RBFOX1: variants seen among roughly 807,000 people sequenced by gnomAD.
The protein encoded by RBFOX1 is RNA binding protein fox-1 homolog 1.
Under a neutral mutation model 57.7 loss-of-function variants are expected in RBFOX1, and 8 were observed. The ratio of observed to expected loss-of-function variants is 0.14; its 90% confidence interval spans 0.08 to 0.25. RBFOX1 has a LOEUF of 0.25. Ranked by LOEUF, RBFOX1 falls within the 10% of genes least tolerant of loss-of-function variation. The pLI is 1.00. For synonymous variants in RBFOX1, 326 were observed against 222.4 expected (o/e 1.47, Z -4.15); for missense variants, 611 against 548.5 (o/e 1.11, Z -1.14).
intron 1 of RBFOX1, among the ~76,000 whole-genome samples, chr16:6,215,368 G>A (rs1181923044): frequency 6.9e-6 from 1 of 145,502 alleles, no homozygotes; most frequent in East Asian, 2.1e-4. Flanking sequence ...GGGAGAGAAG[G>A]AGAAGGGGAG....
At chr16:6,434,054 G>A (rs535790251) in intron 2 of RBFOX1, among the ~76,000 whole-genome samples, 1 of 151,994 alleles carries the variant, frequency 6.6e-6, no homozygotes, top group East Asian at 1.9e-4. Flanking sequence ...CACCATGTTG[G>A]TCAGGCTGGT....
At chr16:7,372,342 G>C (rs997027595) in intron 4 of RBFOX1, among the ~76,000 whole-genome samples, 31 of 152,274 alleles carry the variant, frequency 2.0e-4, no homozygotes, top group African/African-American at 6.0e-4. Flanking sequence ...ACCCTGCTTA[G>C]GATCAGACAA....
At chr16:6,976,121 C>T (rs760016753) in intron 3 of RBFOX1, among the ~76,000 whole-genome samples, 3 of 143,650 alleles carry the variant, frequency 2.1e-5, no homozygotes, top group East Asian at 2.0e-4. Flanking sequence ...AGTGAGACTC[C>T]GTCTCAAAAA....
intron 3 of RBFOX1, among the ~76,000 whole-genome samples, chr16:5,725,787 C>T (rs1398438956): frequency 2.6e-5 from 4 of 151,976 alleles, no homozygotes; most frequent in South Asian, 4.2e-4. Context: ...CTGCTAGCTG[C>T]CCTCTCCCCA....
chr16:7,330,525 T>TGTGG (rs1441570396), intron 4 of RBFOX1, among the ~76,000 whole-genome samples: 13 of 132,904 alleles, frequency 9.8e-5, no homozygotes, highest in African/African-American at 3.8e-4. Context: ...TGTGTGTGTG[T>TGTGG]AGAGAGAGAG....
At chr16:6,271,821 A>T (rs2075250962) in intron 1 of RBFOX1, among the ~76,000 whole-genome samples, 1 of 152,300 alleles carries the variant, frequency 6.6e-6, no homozygotes, top group African/African-American at 2.4e-5. Context: ...CCTCCTAAAA[A>T]ATAAATCTCC....
intron 4 of RBFOX1, among the ~76,000 whole-genome samples, chr16:5,914,853 C>T (rs577618834): frequency 6.6e-6 from 1 of 152,028 alleles, no homozygotes; most frequent in Non-Finnish European, 1.5e-5. Context: ...CGAGACTGTG[C>T]CACTGCACTC....
intron 11 of RBFOX1, among the ~76,000 whole-genome samples, chr16:7,633,607 A>G (rs547087646): frequency 6.6e-6 from 1 of 152,350 alleles, no homozygotes; most frequent in South Asian, 2.1e-4. Flanking sequence ...CAAAATGAAA[A>G]CTAGTTTCTT....
chr16:5,470,774 A>G (rs1034610633), intron 2 of RBFOX1, among the ~76,000 whole-genome samples: 55 of 151,588 alleles, frequency 3.6e-4, no homozygotes, highest in African/African-American at 1.3e-3. Flanking sequence ...GCAGCCTGGA[A>G]CCCTCCCATT....
chr16:7,309,658 C>T (rs1421716160), intron 4 of RBFOX1, among the ~76,000 whole-genome samples: 1 of 152,182 alleles, frequency 6.6e-6, no homozygotes, highest in Non-Finnish European at 1.5e-5. Flanking sequence ...TAACCAGGTT[C>T]TCTGCCCCAA....
At chr16:5,603,093 C>T (rs910204175), downstream of RBFOX1, among the ~76,000 whole-genome samples, 13 of 152,196 alleles carry the variant, frequency 8.5e-5, no homozygotes, top group South Asian at 4.1e-4. Flanking sequence ...ACTCACTGCC[C>T]TGTGGCACCA....
At chr16:5,806,153 C>T (rs556431716) in intron 3 of RBFOX1, among the ~76,000 whole-genome samples, 1 of 152,170 alleles carries the variant, frequency 6.6e-6, no homozygotes, top group Non-Finnish European at 1.5e-5. Flanking sequence ...CAATTCAGTT[C>T]TCTCATTTTC....
intron 3 of RBFOX1, among the ~76,000 whole-genome samples, chr16:6,887,196 C>G (rs1356776157): frequency 6.6e-6 from 1 of 152,152 alleles, no homozygotes; most frequent in East Asian, 1.9e-4. Context: ...CTTCTTCCTC[C>G]TCTATCTCTA....
rs373221140 is a variant in RBFOX1, at chr16:5,843,017, CG to C, written c.319-24282del. ...TTTTCTTTTTTTTCTTTAGTAGAGA[CG>C]GGGTTTCACCATGTTGGCCAGGCTG... is the stretch of plus-strand genomic sequence containing the variant. On this transcript the variant is annotated intron_variant, in intron 3 of 19. Transcript: ENST00000641259. Among the ~76,000 whole-genome samples, 1,414 of 151,982 alleles carry C rather than the reference CG, an allele frequency of 9.3e-3. 25 individuals are homozygous for C. The highest frequency in any genetic ancestry group is 0.033 in the African/African-American group (1,349 of 41,448).
At chr16:6,103,579 C>T (rs1296354438) in intron 1 of RBFOX1, among the ~76,000 whole-genome samples, 1 of 152,020 alleles carries the variant, frequency 6.6e-6, no homozygotes, top group Non-Finnish European at 1.5e-5. Flanking sequence ...TGATAACAAG[C>T]AGATTCAGGC....
chr16:7,615,183 A>T (rs1399121864), intron 10 of RBFOX1, among the ~76,000 whole-genome samples: 2 of 152,166 alleles, frequency 1.3e-5, no homozygotes, highest in Non-Finnish European at 2.9e-5. Flanking sequence ...AATACAAAAA[A>T]GTATCTGGGC....
chr16:5,456,014 T>C (rs547427615), intron 1 of RBFOX1, among the ~76,000 whole-genome samples: 5 of 151,714 alleles, frequency 3.3e-5, no homozygotes, highest in African/African-American at 1.2e-4. Context: ...AATATGAAAG[T>C]AATATGTGTG....
At chr16:5,246,637 C>G (rs1025438248) in intron 1 of RBFOX1, among the ~76,000 whole-genome samples, 1 of 152,044 alleles carries the variant, frequency 6.6e-6, no homozygotes, top group Non-Finnish European at 1.5e-5. Flanking sequence ...TCATTCTACT[C>G]TGCTTCTATG....
At chr16:5,479,140 C>T (rs574863791) in intron 2 of RBFOX1, among the ~76,000 whole-genome samples, 1 of 152,270 alleles carries the variant, frequency 6.6e-6, no homozygotes, top group South Asian at 2.1e-4. Context: ...GTTTAAATGT[C>T]GCCTTTGCAG....
Sources: gnomAD v4.1 joint callset for allele counts (sites outside exome capture counted in the v4.1 genomes callset) on GRCh38, gnomAD v4.1.1 for gene constraint, MANE v1.5 for transcripts, NCBI Gene and HGNC (gene_info 2026-07-23, HGNC 2026-07-21) for gene names.